TNNI3K: variants seen among roughly 807,000 people sequenced by gnomAD.
TNNI3K encodes the protein serine/threonine-protein kinase TNNI3K.
In TNNI3K, 140 loss-of-function variants were observed where a neutral mutation model predicts 114.5. That is an observed-to-expected ratio of 1.22 (90% CI 1.07 to 1.41). The LOEUF (loss-of-function observed/expected upper bound fraction) is 1.41. Among genes scored for constraint, TNNI3K ranks in the 40% most tolerant of loss-of-function variants. The pLI, the probability that TNNI3K is intolerant of heterozygous loss-of-function variation, is 0.00. For missense variants in TNNI3K, 1,125 were observed against 1,007.6 expected (o/e 1.12, Z -1.58); for synonymous variants, 347 against 347.5 (o/e 1.00, Z 0.02).
intron 17 of TNNI3K, among the ~76,000 whole-genome samples, chr1:74,415,018 C>G (rs1570592357): frequency 6.6e-6 from 1 of 152,130 alleles, no homozygotes; most frequent in East Asian, 1.9e-4. Context: ...TCTAGAAGGC[C>G]CTATGTCATC....
intron 17 of TNNI3K, among the ~76,000 whole-genome samples, chr1:74,407,707 TG>T (rs1664684006): frequency 2.0e-5 from 3 of 152,158 alleles, no homozygotes; most frequent in African/African-American, 7.2e-5. Context: ...AGGAGATACC[TG>T]GTCTCTAAAC....
At chr1:74,256,283 CT>C (rs61636791) in intron 4 of TNNI3K, among the ~76,000 whole-genome samples, 193 of 42,714 alleles carry the variant, frequency 4.5e-3, no homozygotes, top group African/African-American at 7.1e-3. Flanking sequence ...TGTGGTCAGT[CT>C]TTTTTTTTTT....
chr1:74,323,066 A>C (rs1659708010), intron 5 of TNNI3K, among the ~76,000 whole-genome samples: 1 of 152,222 alleles, frequency 6.6e-6, no homozygotes, highest in Non-Finnish European at 1.5e-5. Context: ...GACCCTTAAC[A>C]TATGACTTAG....
chr1:74,369,775 G>T (rs1662497912), intron 16 of TNNI3K, 190 bp downstream of exon 16: 3 of 610,752 alleles, frequency 4.9e-6, no homozygotes, highest in East Asian at 7.0e-5. Flanking sequence ...AATACTTTAT[G>T]CTTTCTTAGC....
At chr1:74,516,610 G>A (rs1436923883) in intron 23 of TNNI3K, among the ~76,000 whole-genome samples, 1 of 152,168 alleles carries the variant, frequency 6.6e-6, no homozygotes, top group Non-Finnish European at 1.5e-5. Context: ...CCTGGACCGT[G>A]GGACCTTGCT....
At position 74,315,893 on chromosome 1, in the gene TNNI3K, A is replaced by G. The variant is rs139063022; in HGVS notation, c.445-15557A>G. On this transcript the variant is annotated intron_variant, in intron 5 of 24. Coordinates refer to ENST00000326637, the MANE Select transcript of TNNI3K (RefSeq NM_015978.3). ...AATAGACTAGGGAAACAGCAAATCA[A>G]GTTAATCAACACTTATTGACCACTA... is the stretch of plus-strand genomic sequence containing the variant. 4.0e-3 allele frequency among the ~76,000 whole-genome samples: 608 copies of G among 152,308 alleles called. 5 individuals carry two copies. Among genetic ancestry groups the G allele is most frequent in the African/African-American group, 0.014 (574 of 41,572 alleles).
chr1:74,483,672 A>ACAT (rs1668610682), intron 21 of TNNI3K, among the ~76,000 whole-genome samples: 1 of 152,212 alleles, frequency 6.6e-6, no homozygotes, highest in Non-Finnish European at 1.5e-5. Flanking sequence ...CTTTCACCAA[A>ACAT]CATTATCTTA....
chr1:74,478,353 G>A (rs1374220438), intron 21 of TNNI3K, among the ~76,000 whole-genome samples: 2 of 152,030 alleles, frequency 1.3e-5, no homozygotes, highest in African/African-American at 4.8e-5. Context: ...TGTATATTAA[G>A]CTCCCAGTCA....
intron 20 of TNNI3K, among the ~76,000 whole-genome samples, chr1:74,446,477 C>A (rs1666686817): frequency 6.8e-6 from 1 of 148,054 alleles, no homozygotes. Flanking sequence ...AAATTTTCTC[C>A]CATTTTGTAG....
intron 5 of TNNI3K, among the ~76,000 whole-genome samples, chr1:74,330,096 C>T (rs1214402035): frequency 6.6e-6 from 1 of 152,076 alleles, no homozygotes; most frequent in African/African-American, 2.4e-5. Context: ...AAAAGAGAGA[C>T]TCGAAGACAG....
At chr1:74,345,539 G>A (rs1391086428) in intron 9 of TNNI3K, among the ~76,000 whole-genome samples, 2 of 152,068 alleles carry the variant, frequency 1.3e-5, no homozygotes, top group Non-Finnish European at 2.9e-5. Flanking sequence ...AAATGACTTA[G>A]GCAAGCTTAG....
At chr1:74,311,192 T>C (rs551166162) in intron 5 of TNNI3K, among the ~76,000 whole-genome samples, 285 of 152,272 alleles carry the variant, frequency 1.9e-3, no homozygotes, top group Non-Finnish European at 2.0e-3. Flanking sequence ...TTTGGAGATA[T>C]TTGATATTTG....
intron 17 of TNNI3K, among the ~76,000 whole-genome samples, chr1:74,416,785 A>G (rs1333541173): frequency 1.3e-5 from 2 of 152,032 alleles, no homozygotes; most frequent in Non-Finnish European, 2.9e-5. Flanking sequence ...TAGTAATGTT[A>G]TCTGGAATTC....
In TNNI3K at chr1:74,337,325, C is replaced by G. The variant is rs547407519; in HGVS notation, c.682+1176C>G. On this transcript the variant is annotated intron_variant, in intron 7 of 24. Transcript: ENST00000326637. ...TGCCTGTTCACTCTGATGGTAGTTT[C>G]TTTTGCTGTGCAGAAGCTCTTTAGT... Among the ~76,000 whole-genome samples, 610 of 151,114 alleles carry G rather than the reference C, an allele frequency of 4.0e-3. 2 individuals carry two copies. The highest frequency in any genetic ancestry group is 0.014 in the African/African-American group (564 of 41,220).
chr1:74,528,989 G>A (rs1377628252), intron 23 of TNNI3K, among the ~76,000 whole-genome samples: 3 of 152,174 alleles, frequency 2.0e-5, no homozygotes, highest in Admixed American at 6.5e-5. Context: ...GGAATACATT[G>A]AAGGCACCCC....
intron 17 of TNNI3K, 126 bp from the exon 18 acceptor site, chr1:74,435,954 T>G: frequency 8.0e-7 from 1 of 1,255,614 alleles, no homozygotes; most frequent in Non-Finnish European, 1.1e-6. Flanking sequence ...ATTTAGCCCT[T>G]TGGGGCCCAT....
At chr1:74,295,644 T>C (rs1388889858) in intron 5 of TNNI3K, among the ~76,000 whole-genome samples, 2 of 152,134 alleles carry the variant, frequency 1.3e-5, no homozygotes, top group African/African-American at 4.8e-5. Context: ...AATTTCTACT[T>C]TATCTTTTAG....
intron 4 of TNNI3K, among the ~76,000 whole-genome samples, chr1:74,264,585 A>T (rs775237322): frequency 6.6e-6 from 1 of 152,098 alleles, no homozygotes; most frequent in South Asian, 2.1e-4. Flanking sequence ...ACTTTTATTT[A>T]TATGTCCCTA....
intron 23 of TNNI3K, among the ~76,000 whole-genome samples, chr1:74,529,174 T>C (rs948748988): frequency 6.6e-6 from 1 of 152,152 alleles, no homozygotes; most frequent in Non-Finnish European, 1.5e-5. Flanking sequence ...TACTTATTAA[T>C]TACAAAGAGA....
Sources: gnomAD v4.1 joint callset for allele counts (sites outside exome capture counted in the v4.1 genomes callset) on GRCh38, gnomAD v4.1.1 for gene constraint, MANE v1.5 for transcripts, NCBI Gene and HGNC (gene_info 2026-07-23, HGNC 2026-07-21) for gene names.